Variants in STX8 observed in about 807,000 individuals in gnomAD.
STX8 encodes the protein syntaxin 8.
A neutral mutation model predicts 37.5 loss-of-function variants in STX8; 23 were observed. The observed-to-expected ratio is 0.61, with a 90% CI of 0.44 to 0.87. The LOEUF (loss-of-function observed/expected upper bound fraction) is 0.87. Among genes scored for constraint, STX8 ranks in the 40% least tolerant of loss-of-function variants. The pLI is 0.00. For missense variants in STX8, 313 were observed against 284.7 expected (o/e 1.10, Z -0.71); for synonymous variants, 115 against 99.1 (o/e 1.16, Z -0.95).
Position 9,311,035 on chromosome 17 carries a change from G to A in STX8, c.644-60390C>T, listed in dbSNP as rs187165544. Among the ~76,000 whole-genome samples the A allele has an allele frequency of 1.8e-3, 279 of 152,180 alleles. 1 individual carries two copies. The highest frequency in any genetic ancestry group is 6.0e-3 in the African/African-American group (248 of 41,518). ...GGGCGGATCCCAAGGTCAGGAGTTC[G>A]AGACCAGCCTGACCCACGTGGTGAA... On this transcript the variant is annotated intron_variant, in intron 7 of 7. Transcript: ENST00000306357.
At chr17:9,565,309 A>G (rs922458722) in intron 2 of STX8, among the ~76,000 whole-genome samples, 1 of 152,202 alleles carries the variant, frequency 6.6e-6, no homozygotes, top group Non-Finnish European at 1.5e-5. Flanking sequence ...ACATAGACCA[A>G]TGGAACAGAA....
chr17:9,303,261 G>A (rs577186689), intron 7 of STX8, among the ~76,000 whole-genome samples: 8 of 152,190 alleles, frequency 5.3e-5, no homozygotes, highest in African/African-American at 1.9e-4. Flanking sequence ...ACTGCACTCC[G>A]GCCTGGCGAC....
At chr17:9,274,733 TACA>T (rs1347185958) in intron 7 of STX8, among the ~76,000 whole-genome samples, 1 of 133,796 alleles carries the variant, frequency 7.5e-6, no homozygotes, top group African/African-American at 2.7e-5. Context: ...TCTTCAAAAA[TACA>T]ACAATTTCTT....
chr17:9,547,782 CTT>C (rs201145334), intron 3 of STX8, among the ~76,000 whole-genome samples: 31,015 of 129,934 alleles, frequency 0.24, 3,301 homozygotes, highest in South Asian at 0.33. Flanking sequence ...CTTTTCTTTT[CTT>C]TTTTTTTTTT....
intron 7 of STX8, among the ~76,000 whole-genome samples, chr17:9,268,380 G>C (rs1158127608): frequency 6.6e-6 from 1 of 152,142 alleles, no homozygotes; most frequent in African/African-American, 2.4e-5. Flanking sequence ...GCGGGGCTTA[G>C]AGTTTGATCT....
intron 5 of STX8, among the ~76,000 whole-genome samples, chr17:9,493,261 TC>T (rs1906935092): frequency 6.6e-6 from 1 of 152,144 alleles, no homozygotes; most frequent in Non-Finnish European, 1.5e-5. Context: ...AGAGGCTCTG[TC>T]TCTAAATAAA....
intron 5 of STX8, among the ~76,000 whole-genome samples, chr17:9,500,769 G>A (rs541105421): frequency 3.3e-5 from 5 of 152,292 alleles, no homozygotes; most frequent in Admixed American, 1.3e-4. Context: ...TTGGGAGGCC[G>A]AGGCGGGCAG....
chr17:9,299,943 C>G (rs1206167849), intron 7 of STX8, among the ~76,000 whole-genome samples: 1 of 152,142 alleles, frequency 6.6e-6, no homozygotes, highest in Non-Finnish European at 1.5e-5. Context: ...AAGTTGTTAT[C>G]TCGTCAAGAT....
chr17:9,478,087 C>A lies in STX8; in HGVS notation c.541+13742G>T, dbSNP rs73263595. Reference sequence around the variant, plus strand: ...AGGTAAGTTTCTTCATTTCTGGCACCTGGAGAACTCCCTTTGTTGCTTTCA... The same window carrying A: ...AGGTAAGTTTCTTCATTTCTGGCACATGGAGAACTCCCTTTGTTGCTTTCA... On this transcript the variant is annotated intron_variant, in intron 6 of 7. Coordinates refer to ENST00000306357, the MANE Select transcript of STX8 (RefSeq NM_004853.3). 7.6e-3 allele frequency among the ~76,000 whole-genome samples: 1,151 copies of A among 152,282 alleles called. 12 individuals are homozygous for A. The highest frequency in any genetic ancestry group is 0.027 in the African/African-American group (1,110 of 41,558).
At chr17:9,277,256 T>A (rs1907708930) in intron 7 of STX8, among the ~76,000 whole-genome samples, 1 of 152,186 alleles carries the variant, frequency 6.6e-6, no homozygotes, top group African/African-American at 2.4e-5. Flanking sequence ...CTCTGGAGAA[T>A]GTCCCTACCG....
intron 6 of STX8, among the ~76,000 whole-genome samples, chr17:9,486,832 T>C (rs1319637685): frequency 6.6e-6 from 1 of 152,126 alleles, no homozygotes; most frequent in Non-Finnish European, 1.5e-5. Context: ...ACACTCCAGC[T>C]TGGGCAACAG....
chr17:9,557,939 G>C (rs1409564781), intron 2 of STX8, among the ~76,000 whole-genome samples: 2 of 152,186 alleles, frequency 1.3e-5, no homozygotes, highest in African/African-American at 4.8e-5. Context: ...TCTGAACCAG[G>C]CTTCAAACGA....
chr17:9,400,240 C>T (rs1166551801), intron 6 of STX8, among the ~76,000 whole-genome samples: 6 of 148,922 alleles, frequency 4.0e-5, no homozygotes, highest in Non-Finnish European at 8.9e-5. Context: ...GTAGCTGAGA[C>T]TACAGGCGCC....
chr17:9,381,976 A>AAAAC (rs34904417), intron 6 of STX8, among the ~76,000 whole-genome samples: 15,853 of 151,790 alleles, frequency 0.1, 2,392 homozygotes, highest in African/African-American at 0.34. Context: ...CTTGGGGGAA[A>AAAAC]AAACAAACAA....
At chr17:9,382,202 C>G (rs1285641073) in intron 6 of STX8, among the ~76,000 whole-genome samples, 1 of 151,282 alleles carries the variant, frequency 6.6e-6, no homozygotes. Flanking sequence ...CACACATATG[C>G]CCTGCCAAGA....
intron 6 of STX8, among the ~76,000 whole-genome samples, chr17:9,481,556 T>C (rs1783613531): frequency 6.6e-6 from 1 of 152,176 alleles, no homozygotes; most frequent in Non-Finnish European, 1.5e-5. Context: ...GTCTAACATG[T>C]GCTCTTATCA....
intron 7 of STX8, among the ~76,000 whole-genome samples, chr17:9,268,461 G>A (rs984610015): frequency 2.6e-5 from 4 of 152,158 alleles, no homozygotes; most frequent in African/African-American, 9.7e-5. Flanking sequence ...TATGCAAACA[G>A]GAGTATTCAC....
At chr17:9,499,766 G>A (rs563058362) in intron 5 of STX8, among the ~76,000 whole-genome samples, 5 of 152,228 alleles carry the variant, frequency 3.3e-5, no homozygotes, top group African/African-American at 1.2e-4. Flanking sequence ...CTGCGCTGCC[G>A]CTCCCCGCAA....
At chr17:9,361,219 T>C (rs1911051790) in intron 7 of STX8, among the ~76,000 whole-genome samples, 1 of 152,228 alleles carries the variant, frequency 6.6e-6, no homozygotes, top group Admixed American at 6.5e-5. Context: ...AAAAAAATTA[T>C]TAATGCAACA....
Sources: allele counts gnomAD v4.1 joint callset (sites outside exome capture counted in the v4.1 genomes callset), GRCh38; gene constraint gnomAD v4.1.1; transcripts MANE v1.5; gene names NCBI Gene and HGNC (gene_info 2026-07-23, HGNC 2026-07-21).